Variants in KIAA0232 observed in about 807,000 individuals in gnomAD.
KIAA0232 encodes KIAA0232, also known as uncharacterized protein KIAA0232.
Under a neutral mutation model 122.0 loss-of-function variants are expected in KIAA0232, and 27 were observed. The ratio of observed to expected loss-of-function variants is 0.22; its 90% CI spans 0.16 to 0.31. KIAA0232 has a LOEUF of 0.31. KIAA0232 is among the 10% of genes least tolerant of loss of function. The probability of loss-of-function intolerance (pLI) is 1.00; values close to 1 mark genes in which losing one functional copy is unlikely to be tolerated. For synonymous variants in KIAA0232, 613 were observed against 587.6 expected, an observed-to-expected ratio of 1.04 and a Z score of -0.63; for missense variants, 1,551 against 1,634.2, an observed-to-expected ratio of 0.95 and a Z score of 0.88.
At chr4:6,783,337 C>T (rs998131286) in intron 1 of KIAA0232, among the ~76,000 whole-genome samples, 2 of 152,228 alleles carry the variant, frequency 1.3e-5, no homozygotes, top group Non-Finnish European at 2.9e-5. Flanking sequence ...GACGATGAGT[C>T]CGCACAATGG....
chr4:6,786,183 TG>T (rs1292495955), intron 1 of KIAA0232, among the ~76,000 whole-genome samples: 2 of 152,226 alleles, frequency 1.3e-5, no homozygotes, highest in African/African-American at 4.8e-5. Flanking sequence ...TAATGTTAAA[TG>T]TAAGTGTTTA....
chr4:6,823,511 T>C (rs1434196598), intron 2 of KIAA0232, among the ~76,000 whole-genome samples: 1 of 152,228 alleles, frequency 6.6e-6, no homozygotes, highest in Non-Finnish European at 1.5e-5. Context: ...TTTATTTGTA[T>C]GAAATCAGAG....
At chr4:6,873,005 C>T (rs1721573634) in intron 8 of KIAA0232, among the ~76,000 whole-genome samples, 2 of 152,228 alleles carry the variant, frequency 1.3e-5, no homozygotes, top group African/African-American at 4.8e-5. Context: ...GAGCGTAGAG[C>T]TGAGTCTTCA....
intron 1 of KIAA0232, among the ~76,000 whole-genome samples, chr4:6,791,232 T>C (rs1716879677): frequency 6.6e-6 from 1 of 151,778 alleles, no homozygotes; most frequent in Non-Finnish European, 1.5e-5. Flanking sequence ...TTTTATATAC[T>C]TTAAAGTTTA....
At position 6,845,549 on chromosome 4, in the gene KIAA0232, G is replaced by A. The variant is rs187678008; in HGVS notation, c.369+3345G>A. Among the ~76,000 whole-genome samples, 9 of 151,956 alleles carry A rather than the reference G, an allele frequency of 5.9e-5. No homozygotes were observed. In the East Asian group the frequency reaches 1.5e-3, roughly 26 times the overall value. On this transcript the variant is annotated intron_variant, in intron 4 of 9. Transcript: ENST00000307659. ...GGAGTAAATCGATAATTTGTAGATT[G>A]ATAAGTAATTTAGAGCTTTTAAAGG...
chr4:6,826,070 C>T (rs577698813), intron 3 of KIAA0232, among the ~76,000 whole-genome samples: 34 of 152,238 alleles, frequency 2.2e-4, no homozygotes, highest in Admixed American at 1.0e-3. Flanking sequence ...CCACCTCAGC[C>T]TCCCAAAGTG....
chr4:6,878,122 C>T (rs1721850251), intron 9 of KIAA0232, among the ~76,000 whole-genome samples: 3 of 152,152 alleles, frequency 2.0e-5, no homozygotes, highest in Admixed American at 2.0e-4. Context: ...CGCTTGTAAT[C>T]CCATCATTTT....
intron 1 of KIAA0232, among the ~76,000 whole-genome samples, chr4:6,788,044 T>G (rs1716709258): frequency 6.6e-6 from 1 of 152,176 alleles, no homozygotes; most frequent in Non-Finnish European, 1.5e-5. Flanking sequence ...TTCTTTTTCG[T>G]TTTTGTGTTT....
At chr4:6,803,261 C>T (rs1457077600) in intron 1 of KIAA0232, among the ~76,000 whole-genome samples, 4 of 151,392 alleles carry the variant, frequency 2.6e-5, no homozygotes, top group Non-Finnish European at 5.9e-5. Context: ...GCCCAGCTCC[C>T]TTAAGTTCAA....
chr4:6,851,855 T>C (rs1246898140), intron 4 of KIAA0232, among the ~76,000 whole-genome samples: 1 of 152,082 alleles, frequency 6.6e-6, no homozygotes, highest in Non-Finnish European at 1.5e-5. Context: ...AAATGGAGGC[T>C]CAGAAGTTAA....
chr4:6,870,862 G>C (rs1721441437), intron 7 of KIAA0232, among the ~76,000 whole-genome samples: 1 of 151,670 alleles, frequency 6.6e-6, no homozygotes, highest in South Asian at 2.1e-4. Flanking sequence ...ACTTCTGCCT[G>C]AATGTATGAG....
chr4:6,785,061 C>G (rs542597548), intron 1 of KIAA0232, among the ~76,000 whole-genome samples: 1 of 152,166 alleles, frequency 6.6e-6, no homozygotes, highest in Non-Finnish European at 1.5e-5. Flanking sequence ...CCTCAACCTC[C>G]CGAGTAGCTG....
At chr4:6,829,629 C>T (rs552643894) in intron 3 of KIAA0232, among the ~76,000 whole-genome samples, 1 of 152,304 alleles carries the variant, frequency 6.6e-6, no homozygotes, top group African/African-American at 2.4e-5. Flanking sequence ...GCTCCCACAG[C>T]CTGAAAGTGA....
intron 2 of KIAA0232, among the ~76,000 whole-genome samples, chr4:6,806,531 G>A (rs776202828): frequency 4.6e-5 from 7 of 151,848 alleles, no homozygotes; most frequent in Non-Finnish European, 1.0e-4. Flanking sequence ...TCAGGAAATC[G>A]AGACCGTCCT....
intron 7 of KIAA0232, among the ~76,000 whole-genome samples, chr4:6,867,866 G>A (rs1200696867): frequency 6.6e-6 from 1 of 152,196 alleles, no homozygotes; most frequent in Non-Finnish European, 1.5e-5. Context: ...CAGTGTGGGG[G>A]ACAGGCAAAG....
chr4:6,802,444 T>G (rs552927661), intron 1 of KIAA0232, among the ~76,000 whole-genome samples: 2 of 152,338 alleles, frequency 1.3e-5, no homozygotes, highest in Non-Finnish European at 2.9e-5. Flanking sequence ...ATATTTTTCT[T>G]AGAAATTTTT....
At chr4:6,818,939 G>A (rs1304672557) in intron 2 of KIAA0232, among the ~76,000 whole-genome samples, 1 of 152,034 alleles carries the variant, frequency 6.6e-6, no homozygotes, top group East Asian at 1.9e-4. Flanking sequence ...TGTAGCCATC[G>A]AATCTTCAAC....
chr4:6,828,251 G>C (rs927963160), intron 3 of KIAA0232, among the ~76,000 whole-genome samples: 1 of 152,178 alleles, frequency 6.6e-6, no homozygotes, highest in Non-Finnish European at 1.5e-5. Context: ...GGGTTTACCT[G>C]TAGTCCCAGC....
chr4:6,851,691 G>C (rs1720293288), intron 4 of KIAA0232, among the ~76,000 whole-genome samples: 1 of 149,156 alleles, frequency 6.7e-6, no homozygotes, highest in South Asian at 2.1e-4. Flanking sequence ...ACTCCAGCCT[G>C]GGTGACAGAG....
Sources: gnomAD v4.1 joint callset for allele counts (sites outside exome capture counted in the v4.1 genomes callset) on GRCh38, gnomAD v4.1.1 for gene constraint, MANE v1.5 for transcripts, NCBI Gene and HGNC (gene_info 2026-07-23, HGNC 2026-07-21) for gene names.